The following DMD variants were observed in gnomAD, a reference collection of about 807,000 sequenced individuals.
DMD encodes the protein dystrophin.
Under a neutral mutation model 330.1 loss-of-function variants are expected in DMD, and 63 were observed. That is an observed-to-expected ratio of 0.19 (90% confidence interval 0.16 to 0.24). The LOEUF (loss-of-function observed/expected upper bound fraction) is 0.24. DMD is among the 10% of genes least tolerant of loss of function. DMD has a pLI of 1.00. For missense variants in DMD, 3,344 were observed against 2,684.1 expected (o/e 1.25, Z -5.43); for synonymous variants, 1,223 against 959.8 (o/e 1.27, Z -5.07).
chrX:33,316,857 A>G (rs2053939284), intron 1 of DMD, among the ~76,000 whole-genome samples: 1 of 111,050 alleles, frequency 9.0e-6, no homozygotes, highest in African/African-American at 3.3e-5. Context: ...CATGAATGCA[A>G]TATATCCCTG....
chrX:32,615,111 C>G (rs984773857), intron 11 of DMD, among the ~76,000 whole-genome samples: 1 of 111,051 alleles, frequency 9.0e-6, no homozygotes, highest in African/African-American at 3.3e-5. Flanking sequence ...AGGGGTGACC[C>G]CCAGCTATAA....
chrX:33,291,737 A>G (rs2053514815), intron 1 of DMD, among the ~76,000 whole-genome samples: 1 of 110,908 alleles, frequency 9.0e-6, no homozygotes, highest in African/African-American at 3.3e-5. Flanking sequence ...TGTTACCCTA[A>G]AAATCCTACT....
intron 20 of DMD, among the ~76,000 whole-genome samples, chrX:32,488,029 C>T (rs1197512748): frequency 2.8e-5 from 3 of 108,790 alleles, no homozygotes; most frequent in Admixed American, 2.0e-4. Flanking sequence ...CCATTTTTCC[C>T]GTTCAGGGGG....
chrX:33,161,182 G>T (rs1186505192), intron 1 of DMD, among the ~76,000 whole-genome samples: 3 of 111,830 alleles, frequency 2.7e-5, no homozygotes, highest in Non-Finnish European at 5.6e-5. Flanking sequence ...GGAAACACAA[G>T]ACTTTTGTCT....
chrX:32,655,222 G>T (rs2060475643), intron 9 of DMD, among the ~76,000 whole-genome samples: 1 of 111,659 alleles, frequency 9.0e-6, no homozygotes, highest in South Asian at 3.7e-4. Flanking sequence ...TCTTTTAATT[G>T]TTATGTTAGG....
intron 9 of DMD, among the ~76,000 whole-genome samples, chrX:32,652,930 T>A (rs2060271944): frequency 8.9e-6 from 1 of 112,504 alleles, no homozygotes; most frequent in Non-Finnish European, 1.9e-5. Context: ...GAGCATTTTT[T>A]TCATGTGTCT....
chrX:32,467,229 T>A (rs1022267896), intron 23 of DMD, among the ~76,000 whole-genome samples: 2 of 112,201 alleles, frequency 1.8e-5, no homozygotes, highest in African/African-American at 6.5e-5. Flanking sequence ...GAGCATATTG[T>A]TGCAATGTTT....
chrX:31,616,273 A>C (rs1603426759), intron 55 of DMD, among the ~76,000 whole-genome samples: 1 of 111,913 alleles, frequency 8.9e-6, no homozygotes, highest in East Asian at 2.8e-4. Flanking sequence ...GGAAAAAGGG[A>C]AGATTCGAAA....
intron 64 of DMD, among the ~76,000 whole-genome samples, 162 bp downstream of exon 64, chrX:31,222,885 A>G (rs1000202225): frequency 2.7e-5 from 3 of 112,356 alleles, no homozygotes; most frequent in South Asian, 3.7e-4. Context: ...AAAACATTCT[A>G]GGCAAACTCT....
At chrX:31,173,655 A>G (rs1306463551) in intron 71 of DMD, 51 bp from the exon 72 acceptor site, 1 of 1,081,519 alleles carries the variant, frequency 9.2e-7, no homozygotes, top group Non-Finnish European at 1.3e-6. Flanking sequence ...TTAATGGAGA[A>G]AAAACCCACC....
intron 4 of DMD, among the ~76,000 whole-genome samples, chrX:32,837,314 C>T (rs1380988237): frequency 8.9e-6 from 1 of 111,881 alleles, no homozygotes; most frequent in Non-Finnish European, 1.9e-5. Context: ...TCTGGTTAGA[C>T]TAAACTAAGG....
intron 12 of DMD, among the ~76,000 whole-genome samples, chrX:32,609,663 T>A (rs973037169): frequency 3.6e-5 from 4 of 111,536 alleles, no homozygotes; most frequent in Non-Finnish European, 7.6e-5. Flanking sequence ...TTCACAATCT[T>A]GGCAACCCAA....
intron 2 of DMD, among the ~76,000 whole-genome samples, chrX:32,987,061 C>T: frequency 8.9e-6 from 1 of 112,356 alleles, no homozygotes; most frequent in Non-Finnish European, 1.9e-5. Flanking sequence ...GTCAGGAATG[C>T]AAGACAATTT....
intron 4 of DMD, among the ~76,000 whole-genome samples, chrX:32,837,013 G>T (rs1429684952): frequency 2.7e-5 from 3 of 111,185 alleles, no homozygotes; most frequent in African/African-American, 9.8e-5. Flanking sequence ...GGAGTCCTTA[G>T]TCCCCAAATT....
intron 47 of DMD, among the ~76,000 whole-genome samples, chrX:31,885,638 GA>G (rs759868987): frequency 3.7e-5 from 3 of 81,320 alleles, no homozygotes; most frequent in East Asian, 7.7e-4. Flanking sequence ...AAAAAAAAAA[GA>G]AAAAAAAAGA....
intron 7 of DMD, among the ~76,000 whole-genome samples, chrX:32,794,744 T>C: frequency 8.9e-6 from 1 of 112,346 alleles, no homozygotes. Context: ...TACTGCTCTT[T>C]GTTAATAACT....
intron 1 of DMD, among the ~76,000 whole-genome samples, chrX:33,154,371 T>C (rs1473542395): frequency 2.7e-5 from 3 of 111,837 alleles, no homozygotes; most frequent in Non-Finnish European, 3.8e-5. Flanking sequence ...CACTCCAGCC[T>C]GGGCAGCAAA....
intron 4 of DMD, among the ~76,000 whole-genome samples, chrX:32,832,225 G>A (rs969364134): frequency 1.8e-5 from 2 of 110,802 alleles, no homozygotes; most frequent in Admixed American, 9.7e-5. Context: ...GATATGAAAT[G>A]GTACAAACTA....
intron 18 of DMD, among the ~76,000 whole-genome samples, chrX:32,514,658 G>A (rs1025257587): frequency 2.7e-5 from 3 of 112,304 alleles, no homozygotes; most frequent in African/African-American, 9.7e-5. Context: ...GGAGAACGGC[G>A]TGAACCCGGG....
Sources: allele counts gnomAD v4.1 joint callset (sites outside exome capture counted in the v4.1 genomes callset), GRCh38; gene constraint gnomAD v4.1.1; transcripts MANE v1.5; gene names NCBI Gene and HGNC (gene_info 2026-07-23, HGNC 2026-07-21).